The following DAB1 variants were observed in gnomAD, a reference collection of about 807,000 sequenced individuals.
DAB1 encodes disabled homolog 1.
Under a neutral mutation model 64.6 loss-of-function variants are expected in DAB1, and 15 were observed. The ratio of observed to expected loss-of-function variants is 0.23; its 90% CI spans 0.16 to 0.36. The LOEUF (loss-of-function observed/expected upper bound fraction) is 0.36. Among genes scored for constraint, DAB1 ranks in the 10% least tolerant of loss-of-function variants. The pLI is 1.00. For synonymous variants in DAB1, 235 were observed against 251.9 expected (o/e 0.93, Z 0.64); for missense variants, 596 against 706.7 (o/e 0.84, Z 1.78).
intron 2 of DAB1, among the ~76,000 whole-genome samples, chr1:57,229,198 T>TC (rs921281410): frequency 2.2e-5 from 3 of 136,652 alleles, no homozygotes; most frequent in African/African-American, 5.8e-5. Context: ...TTCTTCTTCT[T>TC]TTTTTTTTTT....
chr1:57,099,755 C>T (rs1455604325), intron 4 of DAB1, among the ~76,000 whole-genome samples: 2 of 152,160 alleles, frequency 1.3e-5, no homozygotes, highest in South Asian at 2.1e-4. Flanking sequence ...AGGCACTTCC[C>T]TTTGGGGTGG....
intron 1 of DAB1, among the ~76,000 whole-genome samples, chr1:57,354,111 CTG>C (rs533722999): frequency 4.5e-4 from 69 of 152,222 alleles, no homozygotes; most frequent in African/African-American, 1.7e-3. Flanking sequence ...TTTTTTCACT[CTG>C]TTTTGATTTC....
At chr1:57,142,104 A>G (rs1658636757) in intron 3 of DAB1, among the ~76,000 whole-genome samples, 1 of 152,154 alleles carries the variant, frequency 6.6e-6, no homozygotes, top group Admixed American at 6.5e-5. Flanking sequence ...GATGTCAACA[A>G]ATGATGATGA....
At chr1:57,811,260 A>C (rs1651606351) in intron 6 of DAB1, among the ~76,000 whole-genome samples, 1 of 152,210 alleles carries the variant, frequency 6.6e-6, no homozygotes, top group Non-Finnish European at 1.5e-5. Context: ...CCAATGTCGA[A>C]GGTGGGGGCT....
rs1027605542 is a variant in DAB1, at chr1:57,065,521, C to A, written c.664-2578G>T. ...CCAGGGTCTATAAGCTTGCTGAGGG[C>A]AGGTTGGGGTATTTTATTATCCTTG... On this transcript the variant is annotated intron_variant, in intron 8 of 14. Transcript: ENST00000371236. 6.6e-5 allele frequency among the ~76,000 whole-genome samples: 10 copies of A among 152,116 alleles called. 1 individual carries two copies. The highest frequency in any genetic ancestry group is 6.5e-4 in the Admixed American group (10 of 15,278).
At chr1:58,287,453 CAG>C (rs1661712344) in intron 4 of DAB1, among the ~76,000 whole-genome samples, 1 of 152,060 alleles carries the variant, frequency 6.6e-6, no homozygotes, top group Non-Finnish European at 1.5e-5. Context: ...TGGCTGGAGC[CAG>C]AGTCACCTGA....
intron 3 of DAB1, among the ~76,000 whole-genome samples, chr1:58,467,395 A>G (rs1034382645): frequency 1.3e-5 from 2 of 152,188 alleles, no homozygotes; most frequent in Non-Finnish European, 2.9e-5. Flanking sequence ...CGTCTGCACT[A>G]CCTGCCATCT....
At chr1:57,798,708 A>AT (rs1650986440) in intron 6 of DAB1, among the ~76,000 whole-genome samples, 1 of 152,204 alleles carries the variant, frequency 6.6e-6, no homozygotes, top group African/African-American at 2.4e-5. Flanking sequence ...TTTTAATATG[A>AT]TAAGTCCTTC....
chr1:57,069,437 G>A lies in DAB1; in HGVS notation c.598-12C>T, dbSNP rs760583832. On this transcript the variant is annotated splice_polypyrimidine_tract_variant and intron_variant, in intron 7 of 14. Coordinates refer to ENST00000371236, the MANE Select transcript of DAB1 (RefSeq NM_001365792.1). Reference sequence around the variant, plus strand: ...TCAAACACAATGTACTATTACAGGAGCAGCCAGAAAGGAAAGGTCAGAGGT... The same window carrying A: ...TCAAACACAATGTACTATTACAGGAACAGCCAGAAAGGAAAGGTCAGAGGT... 6.2e-7 allele frequency: 1 copy of A among 1,611,042 alleles called. No individual in the cohort carries two copies. The highest frequency in any genetic ancestry group is 8.5e-7 in the Non-Finnish European group (1 of 1,177,490).
At chr1:57,957,387 C>T (rs1260841784) in intron 5 of DAB1, among the ~76,000 whole-genome samples, 3 of 152,038 alleles carry the variant, frequency 2.0e-5, no homozygotes, top group Admixed American at 2.0e-4. Flanking sequence ...TTTGTTAAGG[C>T]AGGGAAGACT....
intron 5 of DAB1, among the ~76,000 whole-genome samples, chr1:57,944,732 T>A (rs1055487684): frequency 6.6e-6 from 1 of 152,162 alleles, no homozygotes; most frequent in East Asian, 1.9e-4. Context: ...TACACACATA[T>A]ATAACCTCGG....
chr1:57,327,661 A>C (rs1245768946), intron 1 of DAB1, among the ~76,000 whole-genome samples: 6 of 152,170 alleles, frequency 3.9e-5, no homozygotes, highest in Admixed American at 3.9e-4. Context: ...GGAGAGGGGA[A>C]ATTTAAATGC....
chr1:58,277,209 T>C (rs1423366465), intron 4 of DAB1, among the ~76,000 whole-genome samples: 1 of 151,826 alleles, frequency 6.6e-6, no homozygotes, highest in Non-Finnish European at 1.5e-5. Context: ...CCAGCTAATT[T>C]TTGTATTTTT....
At chr1:57,855,914 T>A (rs1349834092) in intron 1 of DAB1, among the ~76,000 whole-genome samples, 1 of 151,966 alleles carries the variant, frequency 6.6e-6, no homozygotes. Context: ...GCTGAAAAGG[T>A]CCCAGGAGGC....
At chr1:58,210,104 T>A (rs1432882254) in intron 4 of DAB1, among the ~76,000 whole-genome samples, 1 of 152,212 alleles carries the variant, frequency 6.6e-6, no homozygotes, top group Non-Finnish European at 1.5e-5. Context: ...ATTTAGTACT[T>A]ACAACAACTC....
intron 5 of DAB1, among the ~76,000 whole-genome samples, chr1:58,067,361 T>G (rs886253936): frequency 6.6e-6 from 1 of 152,196 alleles, no homozygotes; most frequent in Non-Finnish European, 1.5e-5. Context: ...TAAAGCACGT[T>G]TGTTCTGAAG....
chr1:57,859,535 G>C (rs1019637494), intron 1 of DAB1, among the ~76,000 whole-genome samples: 10 of 152,148 alleles, frequency 6.6e-5, no homozygotes, highest in African/African-American at 2.4e-4. Context: ...CTCAGAGCTA[G>C]AAAGTGGTAG....
At chr1:57,242,806 G>A (rs1405891902) in intron 2 of DAB1, among the ~76,000 whole-genome samples, 2 of 152,066 alleles carry the variant, frequency 1.3e-5, no homozygotes, top group Non-Finnish European at 2.9e-5. Context: ...TTATAAAAGA[G>A]CCAAAACCCT....
intron 3 of DAB1, among the ~76,000 whole-genome samples, chr1:58,392,596 A>G (rs1644485058): frequency 1.3e-5 from 2 of 152,102 alleles, no homozygotes; most frequent in Non-Finnish European, 2.9e-5. Flanking sequence ...TAAAAAAGGA[A>G]GACTGCCCTC....
Sources: allele counts gnomAD v4.1 joint callset (sites outside exome capture counted in the v4.1 genomes callset), GRCh38; gene constraint gnomAD v4.1.1; transcripts MANE v1.5; gene names NCBI Gene and HGNC (gene_info 2026-07-23, HGNC 2026-07-21).